Variants in LEPROT observed in about 807,000 individuals in gnomAD.
The protein encoded by LEPROT is leptin receptor gene-related protein.
LEPROT carries 3 observed loss-of-function variants against 15.4 expected under a neutral mutation model. The observed-to-expected ratio is 0.19, with a 90% CI of 0.09 to 0.50. LEPROT has a LOEUF of 0.50. LEPROT is among the 20% of genes least tolerant of loss of function. The pLI is 0.97. For missense variants in LEPROT, 137 were observed against 162.2 expected, an observed-to-expected ratio of 0.84 and a Z score of 0.84; for synonymous variants, 59 against 57.5, an observed-to-expected ratio of 1.03 and a Z score of -0.12.
Position 65,432,355 on chromosome 1 carries a change from A to C in LEPROT, c.*436A>C, listed in dbSNP as rs1646497833. The C allele has an allele frequency of 4.1e-6, 4 of 978,698 alleles. No homozygotes were observed. Among genetic ancestry groups the C allele is most frequent in the Non-Finnish European group, 3.6e-6 (3 of 823,668 alleles). The allele number at this position is 978,698 out of a possible 1,614,324, so 60.6% of individuals were successfully genotyped here. ...CTATTAAAAGTGTGGCCCACAGACC[A>C]AGAGCCTCAACATTTCCTAGAGCCT... On this transcript the variant is annotated 3_prime_UTR_variant, in exon 4 of 4. Transcript: ENST00000371065.
chr1:65,434,891 A>G lies in LEPROT; in HGVS notation c.*2972A>G. 1.0e-6 allele frequency: 1 copy of G among 985,492 alleles called. No homozygotes were observed. The highest frequency in any genetic ancestry group is 1.2e-6 in the Non-Finnish European group (1 of 829,946). The allele number at this position is 985,492 out of a possible 1,614,324, so 61.0% of individuals were successfully genotyped here. On this transcript the variant is annotated 3_prime_UTR_variant, in exon 4 of 4. Coordinates refer to ENST00000371065, the MANE Select transcript of LEPROT (RefSeq NM_017526.5). ...GCTGATGTCATGTGGTGCTGAGAAGAAAGCAGATCACACTTCATCACAGAA... is the reference window on the plus strand; with the variant it reads ...GCTGATGTCATGTGGTGCTGAGAAGGAAGCAGATCACACTTCATCACAGAA...
intron 1 of LEPROT, among the ~76,000 whole-genome samples, chr1:65,424,363 AG>A (rs1178741173): frequency 1.3e-5 from 2 of 152,244 alleles, no homozygotes; most frequent in African/African-American, 4.8e-5. Context: ...TATAATTTAA[AG>A]AAGGAGGGCT....
chr1:65,420,673 G>GCC lies in LEPROT; in HGVS notation c.-50_-49dup. Reference sequence around the variant, plus strand: ...ACTCCCGGTCTGGCTTGGGCAGGCTGCCCGGGCCGTGGCAGGAAGCCGGAA... The same window carrying GCC: ...ACTCCCGGTCTGGCTTGGGCAGGCTGCCCCCGGGCCGTGGCAGGAAGCCGGAA... On this transcript the variant is annotated 5_prime_UTR_variant, in exon 1 of 4. Transcript: ENST00000371065. 1.3e-6 allele frequency: 2 copies of GCC among 1,560,168 alleles called. No individual in the cohort carries two copies. Among genetic ancestry groups the GCC allele is most frequent in the Non-Finnish European group, 1.7e-6 (2 of 1,153,526 alleles).
In LEPROT at chr1:65,435,774, G is replaced by C; in HGVS notation, c.*3855G>C. On this transcript the variant is annotated 3_prime_UTR_variant, in exon 4 of 4. Transcript: ENST00000371065. ...CAAGCATAGTAATTAGTTCACAACT[G>C]AGAAATATTATGTCTGTAGTAGATA... is the stretch of plus-strand genomic sequence containing the variant. 1.0e-6 allele frequency: 1 copy of C among 979,814 alleles called. No homozygotes were observed. The highest frequency in any genetic ancestry group is 1.2e-6 in the Non-Finnish European group (1 of 824,862). The allele number at this position is 979,814 out of a possible 1,614,324, so 60.7% of individuals were successfully genotyped here.
intron 1 of LEPROT, among the ~76,000 whole-genome samples, chr1:65,422,149 G>C (rs985223799): frequency 1.3e-5 from 2 of 152,194 alleles, no homozygotes; most frequent in African/African-American, 4.8e-5. Context: ...TTATTTGGAA[G>C]TAGTATCTTT....
chr1:65,429,737 C>T, intron 2 of LEPROT, 125 bp from the exon 3 acceptor site: 1 of 802,890 alleles, frequency 1.2e-6, no homozygotes, highest in South Asian at 3.0e-5. Flanking sequence ...TTCTAATATT[C>T]ACAATTAATT....
chr1:65,420,746 T>A lies in LEPROT; in HGVS notation c.16+6T>A. 6.3e-7 allele frequency: 1 copy of A among 1,581,316 alleles called. No individual in the cohort carries two copies. The highest frequency in any genetic ancestry group is 8.6e-7 in the Non-Finnish European group (1 of 1,165,892). ...AGACATGGCGGGCGTTAAAGGTACA[T>A]CGCGGTCCCCGGCTCGCTTGTCGTG... On this transcript the variant is annotated splice_donor_region_variant and intron_variant, in intron 1 of 3. Transcript: ENST00000371065.
At chr1:65,429,126 G>A (rs567385913) in intron 2 of LEPROT, among the ~76,000 whole-genome samples, 6 of 152,286 alleles carry the variant, frequency 3.9e-5, no homozygotes, top group Non-Finnish European at 7.4e-5. Context: ...AAAGAGGGTG[G>A]TATGTTCGAG....
Position 65,435,657 on chromosome 1 carries a change from G to A in LEPROT, c.*3738G>A. The stretch of plus-strand genomic sequence containing the variant: ...GCTGGGATTACAGGCCTGAGCCACT[G>A]TGCCCAGCCAAAATGTGCCTTTGCA... On this transcript the variant is annotated 3_prime_UTR_variant, in exon 4 of 4. Transcript: ENST00000371065. 1.0e-6 allele frequency: 1 copy of A among 985,116 alleles called. No homozygotes were observed. The highest frequency in any genetic ancestry group is 1.2e-6 in the Non-Finnish European group (1 of 829,654). The allele number at this position is 985,116 out of a possible 1,614,324, so 61.0% of individuals were successfully genotyped here.
chr1:65,427,400 C>T (rs1646400429), intron 2 of LEPROT, among the ~76,000 whole-genome samples: 1 of 151,944 alleles, frequency 6.6e-6, no homozygotes, highest in East Asian at 1.9e-4. Flanking sequence ...AAAGTGAGAC[C>T]CCATTCTACA....
chr1:65,431,847 C>CATTTTCCTTACAATTCAAGGG lies in LEPROT; in HGVS notation c.325_345dup (p.Ile109_Gly115dup), dbSNP rs1304352003. On this transcript the variant is annotated inframe_insertion, in exon 4 of 4. Coordinates refer to ENST00000371065, the MANE Select transcript of LEPROT (RefSeq NM_017526.5). ...GCCTTGTGTTGGCAGGCAATGCAGTCATTTTCCTTACAATTCAAGGGTTTT... is the reference window on the plus strand; with the variant it reads ...GCCTTGTGTTGGCAGGCAATGCAGTCATTTTCCTTACAATTCAAGGGATTTTCCTTACAATTCAAGGGTTTT... 4.3e-6 allele frequency: 7 copies of CATTTTCCTTACAATTCAAGGG among 1,614,010 alleles called. No individual in the cohort carries two copies. The highest frequency in any genetic ancestry group is 5.9e-6 in the Non-Finnish European group (7 of 1,179,934).
chr1:65,433,872 C>A lies in LEPROT; in HGVS notation c.*1953C>A. On this transcript the variant is annotated 3_prime_UTR_variant, in exon 4 of 4. Coordinates refer to ENST00000371065, the MANE Select transcript of LEPROT (RefSeq NM_017526.5). ...AAAGATAACAAAAATGAGAGAATTT[C>A]TTGATGTTTTAAAATGGGCAGTTTT... 1 of 985,200 alleles carries A rather than the reference C, an allele frequency of 1.0e-6. No homozygotes were observed. Among genetic ancestry groups the A allele is most frequent in the Non-Finnish European group, 1.2e-6 (1 of 829,810 alleles). The allele number at this position is 985,200 out of a possible 1,614,324, so 61.0% of individuals were successfully genotyped here.
In LEPROT at chr1:65,433,012, C is replaced by T. The variant is rs1420096710; in HGVS notation, c.*1093C>T. 7.1e-6 allele frequency: 7 copies of T among 985,436 alleles called. No homozygotes were observed. The South Asian group carries it at 1.4e-4, about 20-fold the overall frequency. The allele number at this position is 985,436 out of a possible 1,614,324, so 61.0% of individuals were successfully genotyped here. On this transcript the variant is annotated 3_prime_UTR_variant, in exon 4 of 4. Coordinates refer to ENST00000371065, the MANE Select transcript of LEPROT (RefSeq NM_017526.5). The stretch of plus-strand genomic sequence containing the variant: ...GTGGGGAACAGATGTATCTTTTCAT[C>T]TGAAAGACAATGCTGGGGGAAGAGC...
chr1:65,435,318 T>C lies in LEPROT; in HGVS notation c.*3399T>C. ...CATTATGTTAATAACCTTCTTTATG[T>C]TCTCAGGGAAATGCTTAGGTGGTGT... On this transcript the variant is annotated 3_prime_UTR_variant, in exon 4 of 4. Transcript: ENST00000371065. 1 of 985,210 alleles carries C rather than the reference T, an allele frequency of 1.0e-6. No homozygotes were observed. Among genetic ancestry groups the C allele is most frequent in the Non-Finnish European group, 1.2e-6 (1 of 829,784 alleles). 61.0% of individuals were successfully genotyped at this position (985,210 alleles called of 1,614,324 possible).
intron 2 of LEPROT, among the ~76,000 whole-genome samples, chr1:65,427,026 G>A (rs57792498): frequency 0.12 from 17,467 of 151,822 alleles, 1,821 homozygotes; most frequent in African/African-American, 0.28. Context: ...ATGATGATGT[G>A]GTTAAGACCT....
rs766227049 is a variant in LEPROT at position 65,429,964 on chromosome 1, C to T, written c.195C>T (p.Ala65=). ...ATGACTCAGATGCAACCAGTAGTGC[C>T]TGTCGGGAACTGGCATATTTCTTCA... is the stretch of plus-strand genomic sequence containing the variant. ...VTYDSDATSS[A]CRELAYFFTT... The change falls in exon 3 of 4, where the codon GCC becomes GCT. Residue 65 remains alanine (A), a synonymous_variant. Coordinates refer to ENST00000371065, the MANE Select transcript of LEPROT (RefSeq NM_017526.5). 6.3e-7 allele frequency: 1 copy of T among 1,578,524 alleles called. No individual in the cohort carries two copies. Among genetic ancestry groups the T allele is most frequent in the Non-Finnish European group, 8.7e-7 (1 of 1,153,068 alleles).
Position 65,433,866 on chromosome 1 carries a change from G to C in LEPROT, c.*1947G>C. On this transcript the variant is annotated 3_prime_UTR_variant, in exon 4 of 4. Coordinates refer to ENST00000371065, the MANE Select transcript of LEPROT (RefSeq NM_017526.5). ...GCCTGAAAAGATAACAAAAATGAGA[G>C]AATTTCTTGATGTTTTAAAATGGGC... 5.1e-6 allele frequency: 5 copies of C among 985,256 alleles called. No individual in the cohort carries two copies. Among genetic ancestry groups the C allele is most frequent in the Non-Finnish European group, 6.0e-6 (5 of 829,848 alleles). 61.0% of individuals were successfully genotyped at this position (985,256 alleles called of 1,614,324 possible).
rs769797458 is a variant in LEPROT, at chr1:65,429,943, C to G, written c.174C>G (p.Asp58Glu). ...PHFIAKRVTY[D>E]SDATSSACRE... ...TCATTGCCAAAAGAGTCACCTATGACTCAGATGCAACCAGTAGTGCCTGTC... is the reference window on the plus strand; with the variant it reads ...TCATTGCCAAAAGAGTCACCTATGAGTCAGATGCAACCAGTAGTGCCTGTC... The change falls in exon 3 of 4, where the codon GAC (aspartate) becomes GAG (glutamate). Residue 58 changes from aspartate (D) to glutamate (E), a missense_variant. Coordinates refer to ENST00000371065, the MANE Select transcript of LEPROT (RefSeq NM_017526.5). The G allele has an allele frequency of 1.9e-6, 3 of 1,572,824 alleles. No individual in the cohort carries two copies. The African/African-American group carries it at 4.0e-5, about 21-fold the overall frequency.
rs1281335639 is a variant in LEPROT at position 65,434,857 on chromosome 1, C to T, written c.*2938C>T. 6 of 985,352 alleles carry T rather than the reference C, an allele frequency of 6.1e-6. No individual in the cohort carries two copies. In the African/African-American group the frequency reaches 1.0e-4, roughly 17 times the overall value. 61.0% of individuals were successfully genotyped at this position (985,352 alleles called of 1,614,324 possible). A position where few individuals can be genotyped will look rare whatever the true frequency, so the allele number is the denominator to read the frequency against. ...CCTTCTCCTCCCATTAGTCAGTTCTCTAAGTACAGCTGATGTCATGTGGTG... is the reference window on the plus strand; with the variant it reads ...CCTTCTCCTCCCATTAGTCAGTTCTTTAAGTACAGCTGATGTCATGTGGTG... On this transcript the variant is annotated 3_prime_UTR_variant, in exon 4 of 4. Transcript: ENST00000371065.
Sources: gnomAD v4.1 joint callset for allele counts (sites outside exome capture counted in the v4.1 genomes callset) on GRCh38, gnomAD v4.1.1 for gene constraint, MANE v1.5 for transcripts, NCBI Gene and HGNC (gene_info 2026-07-23, HGNC 2026-07-21) for gene names.